ADGRE5: variants seen among roughly 807,000 people sequenced by gnomAD.
The protein encoded by ADGRE5 is CD97 molecule.
A neutral mutation model predicts 100.3 loss-of-function variants in ADGRE5; 72 were observed. The ratio of observed to expected loss-of-function variants is 0.72; its 90% confidence interval spans 0.59 to 0.87. ADGRE5 has a LOEUF of 0.87. Among genes scored for constraint, ADGRE5 ranks in the 40% least tolerant of loss-of-function variants. The pLI is 0.00. For synonymous variants in ADGRE5, 439 were observed against 447.8 expected, an observed-to-expected ratio of 0.98 and a Z score of 0.25; for missense variants, 959 against 1,094.7, an observed-to-expected ratio of 0.88 and a Z score of 1.75.
Position 14,401,491 on chromosome 19 carries a change from G to A in ADGRE5, c.1003G>A (p.Glu335Lys). The A allele has an allele frequency of 6.2e-7, 1 of 1,614,140 alleles. No individual in the cohort carries two copies. Reference sequence around the variant, plus strand: ...AGCCACCCAGCTGCTCTCAAACCTTGAAGATATCATGAGGATCCTGGCCAA... The same window carrying A: ...AGCCACCCAGCTGCTCTCAAACCTTAAAGATATCATGAGGATCCTGGCCAA... Reference protein sequence around the residue: ...LIATQLLSNLEDIMRILAKSL... With the variant: ...LIATQLLSNLKDIMRILAKSL... The change falls in exon 10 of 20, where the codon GAA becomes AAA. Residue 335 changes from glutamate to lysine, a missense_variant. By Grantham distance (56) the Glu-to-Lys change is moderately conservative (BLOSUM62 1). This residue lies in a region of ADGRE5 where 246 missense variants were observed against 242.2 expected (regional missense o/e 1.02). Transcript: ENST00000242786. This position sits in a 1 kb window ranked among gnomAD's most constrained non-coding sequence, Gnocchi z 4.1.
At chr19:14,388,656 T>G (rs8108408) in intron 2 of ADGRE5, 46 bp from the exon 3 acceptor site, 64,079 of 1,596,320 alleles carry the variant, frequency 0.04, 4,580 homozygotes, top group African/African-American at 0.34. Context: ...CCTTTTTGTG[T>G]ATTCCCTTAC....
intron 19 of ADGRE5, 29 bp downstream of exon 19, chr19:14,408,038 G>A: frequency 6.2e-7 from 1 of 1,614,086 alleles, no homozygotes; most frequent in Non-Finnish European, 8.5e-7. Flanking sequence ...GGCGGGTGTG[G>A]GCAGGAAGGC....
Position 14,406,215 on chromosome 19 carries a change from G to T in ADGRE5, c.1822-116G>T. The T allele has an allele frequency of 1.2e-6, 1 of 862,772 alleles. No individual in the cohort carries two copies. The highest frequency in any genetic ancestry group is 1.7e-6 in the Non-Finnish European group (1 of 574,898). 53.4% of individuals were successfully genotyped at this position (862,772 alleles called of 1,614,324 possible). On this transcript the variant is annotated intron_variant, in intron 14 of 19. Coordinates refer to ENST00000242786, the MANE Select transcript of ADGRE5 (RefSeq NM_078481.4). This position sits in a 1 kb window ranked among gnomAD's most constrained non-coding sequence, Gnocchi z 6.0. ...GAAACCTGGCCCCCGCTCCAGACCC[G>T]CCCACCCTCCGGCTGTGGTCCCGCC...
chr19:14,398,328 G>GCA (rs922136408), intron 9 of ADGRE5, 189 bp downstream of exon 9: 808 of 577,462 alleles, frequency 1.4e-3, no homozygotes, highest in East Asian at 1.6e-3. Flanking sequence ...ACACACGCAT[G>GCA]CACACACACA....
At chr19:14,382,352 G>A (rs373488998) in intron 1 of ADGRE5, among the ~76,000 whole-genome samples, 2 of 152,184 alleles carry the variant, frequency 1.3e-5, no homozygotes, top group Non-Finnish European at 2.9e-5. Flanking sequence ...TTTCTTGGGG[G>A]CACACTTGTT....
Position 14,406,222 on chromosome 19 carries a change from C to T in ADGRE5, c.1822-109C>T. 1.1e-6 allele frequency: 1 copy of T among 906,824 alleles called. No individual in the cohort carries two copies. Among genetic ancestry groups the T allele is most frequent in the South Asian group, 1.7e-5 (1 of 58,060 alleles). 56.2% of individuals were successfully genotyped at this position (906,824 alleles called of 1,614,324 possible). ...GGCCCCCGCTCCAGACCCGCCCACC[C>T]TCCGGCTGTGGTCCCGCCCACTCTC... is the stretch of plus-strand genomic sequence containing the variant. On this transcript the variant is annotated intron_variant, in intron 14 of 19. Coordinates refer to ENST00000242786, the MANE Select transcript of ADGRE5 (RefSeq NM_078481.4). This position sits in a 1 kb window ranked among gnomAD's most constrained non-coding sequence, Gnocchi z 6.0.
chr19:14,392,909 A>C (rs1975649354), intron 4 of ADGRE5, among the ~76,000 whole-genome samples: 1 of 151,710 alleles, frequency 6.6e-6, no homozygotes, highest in Admixed American at 6.6e-5. Context: ...TTTCAAAAAA[A>C]AAAAAAAAAT....
rs878960224 is a variant in ADGRE5, at chr19:14,394,664, G to A, written c.347-1678G>A. On this transcript the variant is annotated intron_variant, in intron 4 of 19. Coordinates refer to ENST00000242786, the MANE Select transcript of ADGRE5 (RefSeq NM_078481.4). ...AGTATCCATCCTCTCCGCCATCGCC[G>A]GGGACTGCCAGGATGAGACTTGCTG... Among the ~76,000 whole-genome samples, 7 of 152,038 alleles carry A rather than the reference G, an allele frequency of 4.6e-5. No homozygotes were observed. The South Asian group carries it at 8.3e-4, about 18-fold the overall frequency.
At chr19:14,390,064 G>A (rs540893617) in intron 3 of ADGRE5, among the ~76,000 whole-genome samples, 4 of 130,176 alleles carry the variant, frequency 3.1e-5, no homozygotes, top group Admixed American at 2.6e-4. Context: ...CAACAAGAGT[G>A]AAACTCTGTC....
intron 3 of ADGRE5, among the ~76,000 whole-genome samples, chr19:14,390,699 C>G (rs1325465165): frequency 6.6e-6 from 1 of 152,190 alleles, no homozygotes; most frequent in Admixed American, 6.6e-5. Flanking sequence ...CACCTCAGCA[C>G]TGTTCACTGT....
intron 9 of ADGRE5, among the ~76,000 whole-genome samples, chr19:14,399,989 G>A (rs1975945510): frequency 2.0e-5 from 3 of 150,940 alleles, no homozygotes; most frequent in Admixed American, 6.6e-5. Flanking sequence ...GAGACTACAG[G>A]TGTGAGCCAC....
At position 14,407,177 on chromosome 19, in the gene ADGRE5, A is replaced by G. The variant is rs951064530; in HGVS notation, c.2324A>G (p.Asn775Ser). Residue 775 changes from asparagine (N) to serine (S), a missense_variant, in exon 18 of 20, where the codon AAC (asparagine) becomes AGC (serine). Transcript: ENST00000242786. ...LVLTYVFTIL[N>S]CLQGAFLYLL... is the part of the protein sequence containing the mutation. ...CTGACCTATGTGTTTACCATCCTCA[A>G]CTGCCTGCAGGGCGCCTTCCTCTAC... 5.6e-6 allele frequency: 9 copies of G among 1,613,844 alleles called. No individual in the cohort carries two copies. The highest frequency in any genetic ancestry group is 1.3e-5 in the African/African-American group (1 of 74,914).
At chr19:14,389,431 G>A (rs1193494978) in intron 3 of ADGRE5, among the ~76,000 whole-genome samples, 1 of 144,832 alleles carries the variant, frequency 6.9e-6, no homozygotes, top group East Asian at 2.1e-4. Flanking sequence ...AAGGAAGGGA[G>A]GAAGGGAGGG....
At position 14,407,134 on chromosome 19, in the gene ADGRE5, G is replaced by A. The variant is rs761930050; in HGVS notation, c.2281G>A (p.Asp761Asn). Reference sequence around the variant, plus strand: ...CTGGGTCTTTGGCCTGTTCATCTTCGACGATCGGAGCTTGGTGCTGACCTA... The same window carrying A: ...CTGGGTCTTTGGCCTGTTCATCTTCAACGATCGGAGCTTGGTGCTGACCTA... ...CTWVFGLFIFDDRSLVLTYVF... is the reference protein window; with the variant it reads ...CTWVFGLFIFNDRSLVLTYVF... Residue 761 changes from aspartate to asparagine, a missense_variant, in exon 18 of 20, where the codon GAC (aspartate) becomes AAC (asparagine). Physicochemically the swap from Asp to Asn is conservative, Grantham distance 23. This residue lies in a region of ADGRE5 where 428 missense variants were observed against 386.2 expected (regional missense o/e 1.11). Coordinates refer to ENST00000242786, the MANE Select transcript of ADGRE5 (RefSeq NM_078481.4). 7 of 1,614,040 alleles carry A rather than the reference G, an allele frequency of 4.3e-6. No individual in the cohort carries two copies. The highest frequency in any genetic ancestry group is 2.2e-5 in the East Asian group (1 of 44,888).
At chr19:14,398,353 G>A (rs1442507361) in intron 9 of ADGRE5, 4 of 567,686 alleles carry the variant, frequency 7.0e-6, no homozygotes, top group Non-Finnish European at 1.3e-5. Flanking sequence ...AGGTATAATG[G>A]CAACAGAGTG....
intron 4 of ADGRE5, 138 bp from the exon 5 acceptor site, chr19:14,396,204 A>T (rs759955782): frequency 6.6e-7 from 1 of 1,512,506 alleles, no homozygotes; most frequent in Non-Finnish European, 9.0e-7. Flanking sequence ...TCACCATAGG[A>T]TGCCTCTGTG....
In ADGRE5 at chr19:14,397,112, C is replaced by G; in HGVS notation, c.514C>G (p.His172Asp). 1.9e-6 allele frequency: 3 copies of G among 1,614,088 alleles called. No homozygotes were observed. Among genetic ancestry groups the G allele is most frequent in the Non-Finnish European group, 2.5e-6 (3 of 1,180,038 alleles). Residue 172 changes from histidine (H) to aspartate (D), a missense_variant, in exon 6 of 20, where the codon CAC (histidine) becomes GAC (aspartate). Coordinates refer to ENST00000242786, the MANE Select transcript of ADGRE5 (RefSeq NM_078481.4). ...NECTSGQNPC[H>D]SSTHCLNNVG... is the part of the protein sequence containing the mutation. The stretch of plus-strand genomic sequence containing the variant: ...ATGCACCTCCGGACAAAACCCGTGC[C>G]ACAGCTCCACCCACTGCCTCAACAA...
chr19:14,398,254 T>G (rs1476564545), intron 9 of ADGRE5, 115 bp downstream of exon 9: 1 of 867,098 alleles, frequency 1.2e-6, no homozygotes, highest in African/African-American at 1.7e-5. Context: ...GAGACACACA[T>G]GCGCATAACA....
At chr19:14,395,280 A>G (rs1047029234) in intron 4 of ADGRE5, among the ~76,000 whole-genome samples, 1 of 149,790 alleles carries the variant, frequency 6.7e-6, no homozygotes, top group Admixed American at 6.7e-5. Flanking sequence ...CAGCCTGGGC[A>G]ACAGAGAGAG....
Sources: gnomAD v4.1 joint callset for allele counts (sites outside exome capture counted in the v4.1 genomes callset) on GRCh38, gnomAD v4.1.1 for gene constraint, gnomAD v4.1.1 regional missense constraint, Gnocchi (gnomAD v3.1) non-coding constraint, MANE v1.5 for transcripts, NCBI Gene and HGNC (gene_info 2026-07-23, HGNC 2026-07-21) for gene names.